The following PCLO variants were observed in gnomAD, a reference collection of about 807,000 sequenced individuals.
PCLO encodes the protein protein piccolo.
Under a neutral mutation model 427.5 loss-of-function variants are expected in PCLO, and 82 were observed. The ratio of observed to expected loss-of-function variants is 0.19; its 90% CI spans 0.16 to 0.23. The LOEUF (loss-of-function observed/expected upper bound fraction) is 0.23, where lower values mean the gene tolerates loss of function less well. PCLO is among the 10% of genes least tolerant of loss of function. The pLI is 1.00. For synonymous variants in PCLO, 2,357 were observed against 2,155.4 expected (o/e 1.09, Z -2.59); for missense variants, 6,239 against 6,115.9 (o/e 1.02, Z -0.67).
chr7:82,875,708 C>T (rs979590693), intron 10 of PCLO, among the ~76,000 whole-genome samples: 2 of 152,004 alleles, frequency 1.3e-5, no homozygotes, highest in African/African-American at 4.8e-5. Context: ...CTGTTATATG[C>T]TAGGTAGCCT....
At chr7:83,000,970 G>C (rs1234766287) in intron 3 of PCLO, among the ~76,000 whole-genome samples, 1 of 151,896 alleles carries the variant, frequency 6.6e-6, no homozygotes, top group East Asian at 1.9e-4. Flanking sequence ...AAATTAGTGA[G>C]TTTTTCATGA....
intron 24 of PCLO, 135 bp from the exon 25 acceptor site, chr7:82,758,850 A>C: frequency 1.8e-6 from 1 of 556,226 alleles, no homozygotes; most frequent in Non-Finnish European, 3.1e-6. Context: ...GAAGTAGCAG[A>C]CATATTTGCA....
intron 3 of PCLO, among the ~76,000 whole-genome samples, chr7:82,977,543 G>T (rs1280553606): frequency 6.6e-6 from 1 of 151,848 alleles, no homozygotes; most frequent in African/African-American, 2.4e-5. Flanking sequence ...CTCCCGAGTA[G>T]TTGGGATTAC....
At position 83,038,042 on chromosome 7, in the gene PCLO, TA is replaced by T. The variant is rs1562933072; in HGVS notation, c.3301-71556del. Among the ~76,000 whole-genome samples the T allele has an allele frequency of 2.6e-3, 127 of 49,562 alleles. 18 individuals carry two copies. The highest frequency in any genetic ancestry group is 3.3e-3 in the Non-Finnish European group (106 of 31,766). 32.5% of individuals were successfully genotyped at this position (49,562 alleles called of 152,430 possible). ...ATATATATATATATTTATATATTTA[TA>T]TATATATCTTTATATATATATTTAT... On this transcript the variant is annotated intron_variant, in intron 3 of 24. Coordinates refer to ENST00000333891, the MANE Select transcript of PCLO (RefSeq NM_033026.6).
At chr7:83,108,369 T>A (rs1790921055) in intron 3 of PCLO, among the ~76,000 whole-genome samples, 1 of 152,154 alleles carries the variant, frequency 6.6e-6, no homozygotes, top group Admixed American at 6.5e-5. Context: ...TATACCTACT[T>A]ACTTATCTAT....
chr7:83,095,475 T>C (rs1790510441), intron 3 of PCLO, among the ~76,000 whole-genome samples: 1 of 151,764 alleles, frequency 6.6e-6, no homozygotes. Flanking sequence ...TTGCTTTTGA[T>C]TTATTTTGCT....
chr7:83,044,897 A>G (rs988529420), intron 3 of PCLO, among the ~76,000 whole-genome samples: 4 of 152,148 alleles, frequency 2.6e-5, no homozygotes, highest in South Asian at 2.1e-4. Context: ...TTTAGAGGAA[A>G]TATTTCTTTT....
chr7:82,966,634 C>T, intron 3 of PCLO, 147 bp from the exon 4 acceptor site: 1 of 469,184 alleles, frequency 2.1e-6, no homozygotes, highest in East Asian at 3.3e-5. Context: ...TCCAATGACG[C>T]AGTAATTTTT....
chr7:82,919,889 G>T (rs1794557098), intron 6 of PCLO, among the ~76,000 whole-genome samples: 1 of 151,828 alleles, frequency 6.6e-6, no homozygotes, highest in Admixed American at 6.6e-5. Flanking sequence ...AAAGCACTTT[G>T]CTAGGCACAC....
chr7:82,926,621 T>C (rs1794718489), intron 6 of PCLO, among the ~76,000 whole-genome samples: 1 of 152,180 alleles, frequency 6.6e-6, no homozygotes, highest in Non-Finnish European at 1.5e-5. Flanking sequence ...GCGCCTCTTG[T>C]CCCAGTTTGT....
At chr7:83,148,370 C>G (rs1792046207) in intron 2 of PCLO, among the ~76,000 whole-genome samples, 1 of 152,194 alleles carries the variant, frequency 6.6e-6, no homozygotes. Context: ...ACATTGTCAT[C>G]TGTCTCACCA....
Position 83,154,961 on chromosome 7 carries a change from T to C in PCLO, c.1680A>G (p.Gln560=), listed in dbSNP as rs764134908. 6.2e-7 allele frequency: 1 copy of C among 1,614,030 alleles called. No individual in the cohort carries two copies. The highest frequency in any genetic ancestry group is 8.5e-7 in the Non-Finnish European group (1 of 1,179,898). Residue 560 remains glutamine (Q), a synonymous_variant, in exon 2 of 25, where the codon CAA becomes CAG. Coordinates refer to ENST00000333891, the MANE Select transcript of PCLO (RefSeq NM_033026.6). ...GCTGCAGAGGTTTTCCAGATCCTGT[T>C]TGGCTTACTGGTTTTGTAGATTGCT... The part of the protein sequence containing the change: ...SAQQSTKPVS[Q]TGSGKPLQPP...
In PCLO at chr7:83,071,022, T is replaced by TG. The variant is rs1166146833; in HGVS notation, c.3300+63227dup. The stretch of plus-strand genomic sequence containing the variant: ...AATTTTCTTTTTCTATTTTTTTTTT[T>TG]GGATTTGAAAAGTTTTTATTGTGAT... On this transcript the variant is annotated intron_variant, in intron 3 of 24. Transcript: ENST00000333891. Among the ~76,000 whole-genome samples the TG allele has an allele frequency of 1.0e-3, 158 of 150,678 alleles. 1 individual carries two copies. The highest frequency in any genetic ancestry group is 3.6e-3 in the African/African-American group (148 of 40,908).
At chr7:82,959,955 T>C (rs952052845) in intron 4 of PCLO, among the ~76,000 whole-genome samples, 2 of 152,130 alleles carry the variant, frequency 1.3e-5, no homozygotes, top group Non-Finnish European at 2.9e-5. Flanking sequence ...TTTGGATCTC[T>C]TCCCATGGTG....
intron 3 of PCLO, among the ~76,000 whole-genome samples, chr7:83,001,347 G>T (rs2115923388): frequency 6.6e-6 from 1 of 152,052 alleles, no homozygotes; most frequent in South Asian, 2.1e-4. Flanking sequence ...GATACTGAAT[G>T]TATGTTAGAG....
chr7:82,959,487 AC>A lies in PCLO; in HGVS notation c.4018-2553del, dbSNP rs1385146150. ...AATTCAGAGGACCATTTAAAAAGTTACGGTTTTATATAATGGATTCTGAAGG... is the reference window on the plus strand; with the variant it reads ...AATTCAGAGGACCATTTAAAAAGTTAGGTTTTATATAATGGATTCTGAAGG... On this transcript the variant is annotated intron_variant, in intron 4 of 24. Transcript: ENST00000333891. Among the ~76,000 whole-genome samples, 6 of 152,336 alleles carry A rather than the reference AC, an allele frequency of 3.9e-5. No individual in the cohort carries two copies. In the East Asian group the frequency reaches 9.6e-4, roughly 24 times the overall value.
At chr7:82,791,833 T>C (rs1041971690) in intron 22 of PCLO, among the ~76,000 whole-genome samples, 39 of 152,036 alleles carry the variant, frequency 2.6e-4, no homozygotes, top group African/African-American at 8.9e-4. Context: ...TTTCTAGATA[T>C]AATAAATTTT....
intron 6 of PCLO, among the ~76,000 whole-genome samples, chr7:82,942,740 T>C (rs1795115275): frequency 6.6e-6 from 1 of 152,062 alleles, no homozygotes; most frequent in Non-Finnish European, 1.5e-5. Context: ...TTTAAAACAG[T>C]TGGATGTTAA....
chr7:83,058,000 T>C (rs961115187), intron 3 of PCLO, among the ~76,000 whole-genome samples: 14 of 152,136 alleles, frequency 9.2e-5, no homozygotes, highest in African/African-American at 3.4e-4. Context: ...GGGAATAGAA[T>C]ATGGGCAGTT....
Sources: gnomAD v4.1 joint callset for allele counts (sites outside exome capture counted in the v4.1 genomes callset) on GRCh38, gnomAD v4.1.1 for gene constraint, MANE v1.5 for transcripts, NCBI Gene and HGNC (gene_info 2026-07-23, HGNC 2026-07-21) for gene names.